The following PTH2R variants were observed in gnomAD, a reference collection of about 807,000 sequenced individuals.
PTH2R encodes the protein parathyroid hormone 2 receptor.
A neutral mutation model predicts 60.3 loss-of-function variants in PTH2R; 59 were observed. The ratio of observed to expected loss-of-function variants is 0.98; its 90% CI spans 0.79 to 1.22. The LOEUF is 1.22. PTH2R is among the 50% of genes most tolerant of loss of function. The pLI is 0.00. For synonymous variants in PTH2R, 256 were observed against 243.8 expected (o/e 1.05, Z -0.47); for missense variants, 749 against 682.6 (o/e 1.10, Z -1.08).
At chr2:208,448,035 A>G (rs929491023) in intron 7 of PTH2R, among the ~76,000 whole-genome samples, 2 of 152,196 alleles carry the variant, frequency 1.3e-5, no homozygotes, top group Non-Finnish European at 2.9e-5. Flanking sequence ...TGTACATATC[A>G]TCATATAAAA....
chr2:208,368,304 T>C (rs889678632), intron 1 of PTH2R, among the ~76,000 whole-genome samples: 1 of 152,224 alleles, frequency 6.6e-6, no homozygotes, highest in Non-Finnish European at 1.5e-5. Context: ...ATTTCTCATG[T>C]CAACCTAGAT....
chr2:208,367,729 C>T (rs1428645997), intron 1 of PTH2R, among the ~76,000 whole-genome samples: 2 of 151,996 alleles, frequency 1.3e-5, no homozygotes, highest in African/African-American at 4.8e-5. Flanking sequence ...TTGTGAATAC[C>T]TCTCAATATT....
chr2:208,425,265 T>C (rs994140827), intron 1 of PTH2R, among the ~76,000 whole-genome samples: 1 of 152,030 alleles, frequency 6.6e-6, no homozygotes, highest in Non-Finnish European at 1.5e-5. Flanking sequence ...CCTTGAGATA[T>C]TGAGGTAGGA....
chr2:208,437,553 T>C lies in PTH2R; in HGVS notation c.195T>C (p.Pro65=). 1 of 1,606,606 alleles carries C rather than the reference T, an allele frequency of 6.2e-7. No individual in the cohort carries two copies. Among genetic ancestry groups the C allele is most frequent in the Non-Finnish European group, 8.5e-7 (1 of 1,177,070 alleles). The change falls in exon 3 of 13, where the codon CCT becomes CCC. Residue 65 remains proline, a synonymous_variant. Coordinates refer to ENST00000272847, the MANE Select transcript of PTH2R (RefSeq NM_005048.4). The stretch of plus-strand genomic sequence containing the variant: ...TCTCATTAGAAGGTAATTGTTTCCC[T>C]GAATGGGATGGACTCATTTGTTGGC... The part of the protein sequence containing the change: ...QLQEGEGNCF[P]EWDGLICWPR...
chr2:208,483,153 T>C (rs1703196264), intron 10 of PTH2R, among the ~76,000 whole-genome samples: 1 of 152,220 alleles, frequency 6.6e-6, no homozygotes, highest in South Asian at 2.1e-4. Flanking sequence ...CAGTATCCTA[T>C]GCCCATAGAA....
At chr2:208,471,520 T>G (rs1702879791) in intron 9 of PTH2R, among the ~76,000 whole-genome samples, 1 of 152,204 alleles carries the variant, frequency 6.6e-6, no homozygotes, top group Admixed American at 6.5e-5. Context: ...TTCCATGTGG[T>G]GTTGAGCCTG....
At chr2:208,436,601 G>A (rs1559219482) in intron 2 of PTH2R, among the ~76,000 whole-genome samples, 2 of 152,092 alleles carry the variant, frequency 1.3e-5, no homozygotes, top group Non-Finnish European at 2.9e-5. Flanking sequence ...TGCCTGGGCT[G>A]GATAGAATCT....
intron 10 of PTH2R, among the ~76,000 whole-genome samples, chr2:208,485,603 T>C (rs910207650): frequency 3.9e-5 from 6 of 152,204 alleles, no homozygotes; most frequent in African/African-American, 1.2e-4. Flanking sequence ...AGCTCATCAG[T>C]ATTCACAGGG....
At chr2:208,381,283 T>C (rs1021747777) in intron 1 of PTH2R, among the ~76,000 whole-genome samples, 1 of 152,132 alleles carries the variant, frequency 6.6e-6, no homozygotes, top group Non-Finnish European at 1.5e-5. Flanking sequence ...ACTTGAACTT[T>C]GCAGGTATCT....
chr2:208,451,116 T>C (rs1017549325), intron 8 of PTH2R, among the ~76,000 whole-genome samples: 1 of 152,024 alleles, frequency 6.6e-6, no homozygotes, highest in African/African-American at 2.4e-5. Flanking sequence ...ACTTAGGATT[T>C]AGTGAAAGCA....
At chr2:208,483,013 T>A (rs1317937010) in intron 10 of PTH2R, among the ~76,000 whole-genome samples, 1 of 152,252 alleles carries the variant, frequency 6.6e-6, no homozygotes, top group Non-Finnish European at 1.5e-5. Flanking sequence ...TAATCCTGCA[T>A]GCAACTTTGT....
chr2:208,485,343 C>T (rs1703247575), intron 10 of PTH2R, among the ~76,000 whole-genome samples: 1 of 152,154 alleles, frequency 6.6e-6, no homozygotes, highest in South Asian at 2.1e-4. Context: ...ACAGACCACA[C>T]CATGTTTCCA....
intron 8 of PTH2R, among the ~76,000 whole-genome samples, chr2:208,454,044 C>A (rs538883586): frequency 6.6e-6 from 1 of 152,262 alleles, no homozygotes; most frequent in Non-Finnish European, 1.5e-5. Context: ...GCCTCCGGGG[C>A]TGACTGCAGG....
intron 8 of PTH2R, among the ~76,000 whole-genome samples, chr2:208,458,496 T>C (rs1392691722): frequency 6.6e-6 from 1 of 152,184 alleles, no homozygotes; most frequent in Admixed American, 6.5e-5. Context: ...GTTTGTTCCG[T>C]AGATAAACAT....
intron 1 of PTH2R, among the ~76,000 whole-genome samples, chr2:208,416,120 G>A (rs921302313): frequency 2.0e-5 from 3 of 152,084 alleles, no homozygotes; most frequent in African/African-American, 7.2e-5. Context: ...GCTGAGTTTG[G>A]TTTACTGAAG....
At chr2:208,411,185 G>A (rs956871541) in intron 1 of PTH2R, among the ~76,000 whole-genome samples, 6 of 152,196 alleles carry the variant, frequency 3.9e-5, no homozygotes, top group Non-Finnish European at 8.8e-5. Context: ...GGCAGAGGTT[G>A]CAGTGAGCTG....
intron 1 of PTH2R, among the ~76,000 whole-genome samples, chr2:208,420,796 T>C (rs143869197): frequency 1.2e-3 from 188 of 152,326 alleles, no homozygotes; most frequent in Non-Finnish European, 1.1e-3. Context: ...ATTCCATTGG[T>C]TTTATACATA....
rs903125181 is a variant in PTH2R, at chr2:208,380,340, C to G, written c.-259+20103C>G. Among the ~76,000 whole-genome samples, 3 of 152,202 alleles carry G rather than the reference C, an allele frequency of 2.0e-5. No homozygotes were observed. The South Asian group carries it at 6.2e-4, about 32-fold the overall frequency. ...TGAATTATGATGGTATCTGAATTAA[C>G]AGTGATATTTACAGTTTAGTAATAC... On this transcript the variant is annotated intron_variant, in intron 1 of 12. Coordinates refer to the PTH2R transcript ENST00000617735.
rs1183038123 is a variant in PTH2R at position 208,477,922 on chromosome 2, C to CTAGTACTAGCACTACTACTAG, written c.982-3124_982-3104dup. Among the ~76,000 whole-genome samples the CTAGTACTAGCACTACTACTAG allele has an allele frequency of 3.4e-5, 5 of 146,316 alleles. No individual in the cohort carries two copies. In the East Asian group the frequency reaches 8.6e-4, roughly 25 times the overall value. ...ACTACTACTAGTACTAGCACTACTA[C>CTAGTACTAGCACTACTACTAG]TAGTACTAGCACTACTACTAGTAGT... On this transcript the variant is annotated intron_variant, in intron 9 of 12. Coordinates refer to ENST00000272847, the MANE Select transcript of PTH2R (RefSeq NM_005048.4).
Sources: gnomAD v4.1 joint callset for allele counts (sites outside exome capture counted in the v4.1 genomes callset) on GRCh38, gnomAD v4.1.1 for gene constraint, MANE v1.5 for transcripts, NCBI Gene and HGNC (gene_info 2026-07-23, HGNC 2026-07-21) for gene names.